SMG6: variants seen among roughly 807,000 people sequenced by gnomAD.
SMG6 encodes the protein telomerase-binding protein EST1A.
A neutral mutation model predicts 142.2 loss-of-function variants in SMG6; 66 were observed. That is an observed-to-expected ratio of 0.46 (90% CI 0.38 to 0.57). SMG6 has a LOEUF of 0.57. Ranked by LOEUF, SMG6 falls within the 20% of genes least tolerant of loss-of-function variation. The pLI is 0.00. For synonymous variants in SMG6, 779 were observed against 702.4 expected (o/e 1.11, Z -1.72); for missense variants, 1,793 against 1,832.0 (o/e 0.98, Z 0.39).
intron 10 of SMG6, among the ~76,000 whole-genome samples, chr17:2,203,618 T>C (rs1291846564): frequency 6.6e-6 from 1 of 152,126 alleles, no homozygotes; most frequent in Non-Finnish European, 1.5e-5. Context: ...TTATTTAAGG[T>C]TGTGGAGGAG....
intron 13 of SMG6, among the ~76,000 whole-genome samples, chr17:2,143,957 G>A (rs2070573482): frequency 6.6e-6 from 1 of 151,490 alleles, no homozygotes; most frequent in Non-Finnish European, 1.5e-5. Context: ...GCAGGATCAT[G>A]GCTCACTGAA....
chr17:2,148,516 G>A (rs1331612728), intron 13 of SMG6, among the ~76,000 whole-genome samples: 1 of 152,190 alleles, frequency 6.6e-6, no homozygotes, highest in African/African-American at 2.4e-5. Context: ...ATCACAAAAG[G>A]ACAAATATTT....
intron 12 of SMG6, among the ~76,000 whole-genome samples, chr17:2,185,250 G>A (rs1460459691): frequency 6.6e-6 from 1 of 152,036 alleles, no homozygotes; most frequent in Admixed American, 6.6e-5. Context: ...AAGACCCCTA[G>A]ACAAGCGCCC....
chr17:2,260,249 T>C (rs1451566949), intron 8 of SMG6, among the ~76,000 whole-genome samples: 2 of 152,228 alleles, frequency 1.3e-5, no homozygotes, highest in African/African-American at 2.4e-5. Context: ...GAAACACGCA[T>C]TGCAGATCTT....
intron 12 of SMG6, among the ~76,000 whole-genome samples, chr17:2,184,327 C>T (rs1329591678): frequency 6.7e-6 from 1 of 149,810 alleles, no homozygotes; most frequent in Non-Finnish European, 1.5e-5. Flanking sequence ...CATGCCACTG[C>T]ACTTGAACCT....
chr17:2,264,295 T>C (rs2074376491), intron 8 of SMG6, among the ~76,000 whole-genome samples: 1 of 152,204 alleles, frequency 6.6e-6, no homozygotes, highest in Admixed American at 6.5e-5. Context: ...AAGGAGGACT[T>C]TTCTCAGTCA....
chr17:2,298,448 G>A (rs1025598730), intron 2 of SMG6, among the ~76,000 whole-genome samples: 20 of 152,130 alleles, frequency 1.3e-4, no homozygotes, highest in African/African-American at 3.4e-4. Context: ...GGCCGGGCGC[G>A]GTGGCTCATG....
intron 13 of SMG6, among the ~76,000 whole-genome samples, chr17:2,089,958 C>G (rs970098154): frequency 6.6e-6 from 1 of 151,894 alleles, no homozygotes; most frequent in Non-Finnish European, 1.5e-5. Context: ...CCAAGGTGGG[C>G]AGATCACCTG....
Position 2,236,571 on chromosome 17 carries a change from G to A in SMG6, c.2790C>T (p.Ser930=), listed in dbSNP as rs751405247. 1.2e-6 allele frequency: 2 copies of A among 1,613,576 alleles called. No homozygotes were observed. Among genetic ancestry groups the A allele is most frequent in the African/African-American group, 2.7e-5 (2 of 74,842 alleles). The change falls in exon 10 of 19, where the codon AGC becomes AGT. Residue 930 remains serine (S), a synonymous_variant. Transcript: ENST00000263073. ...TGCGGGTACTTCCAATGGGAGAGGG[G>A]CTGTGCTGCAGTAACACCTGGAACT... ...LKEFQVLLQH[S]PSPIGSTRML...
At chr17:2,267,830 C>G (rs913380725) in intron 8 of SMG6, among the ~76,000 whole-genome samples, 5 of 151,210 alleles carry the variant, frequency 3.3e-5, no homozygotes, top group Non-Finnish European at 5.9e-5. Context: ...TCACTGTAAG[C>G]TCCACCTCAC....
At chr17:2,182,267 A>T (rs545230521) in intron 12 of SMG6, among the ~76,000 whole-genome samples, 2 of 152,184 alleles carry the variant, frequency 1.3e-5, no homozygotes, top group Non-Finnish European at 2.9e-5. Flanking sequence ...TTTGGGGATC[A>T]CTGCTGAGAA....
At chr17:2,190,315 A>G (rs2072120868) in intron 10 of SMG6, among the ~76,000 whole-genome samples, 1 of 152,182 alleles carries the variant, frequency 6.6e-6, no homozygotes, top group Non-Finnish European at 1.5e-5. Flanking sequence ...CTGAGTAAAC[A>G]TTAGTGCCTC....
chr17:2,252,112 G>GA (rs1030763035), intron 8 of SMG6, among the ~76,000 whole-genome samples: 1 of 143,800 alleles, frequency 7.0e-6, no homozygotes, highest in African/African-American at 2.6e-5. Context: ...GAAAAAAAAG[G>GA]AAAAAAAAGA....
chr17:2,178,556 T>C (rs2151667725), intron 12 of SMG6, among the ~76,000 whole-genome samples: 1 of 152,308 alleles, frequency 6.6e-6, no homozygotes, highest in South Asian at 2.1e-4. Context: ...AACCTCTCCA[T>C]GTTCTAAGCA....
intron 8 of SMG6, among the ~76,000 whole-genome samples, chr17:2,261,673 T>C (rs1295846068): frequency 1.3e-5 from 2 of 152,178 alleles, no homozygotes; most frequent in Non-Finnish European, 2.9e-5. Context: ...GATGTGTTGA[T>C]GGTGTATGCT....
In SMG6 at chr17:2,071,288, G is replaced by A. The variant is rs1199957907; in HGVS notation, c.3682-2357C>T. Among the ~76,000 whole-genome samples the A allele has an allele frequency of 2.0e-5, 3 of 152,036 alleles. No individual in the cohort carries two copies. Among genetic ancestry groups the A allele is most frequent in the Admixed American group, 2.0e-4 (3 of 15,254 alleles). On this transcript the variant is annotated intron_variant, in intron 15 of 18. Coordinates refer to ENST00000263073, the MANE Select transcript of SMG6 (RefSeq NM_017575.5). This position sits in a 1 kb window ranked among gnomAD's most constrained non-coding sequence, Gnocchi z 5.6. ...TTTTTTTTTTTACCCTATGTGAACA[G>A]TCAGCTCCTAAGCCCTGGTACCATC...
At chr17:2,165,057 C>T (rs1253493391) in intron 13 of SMG6, among the ~76,000 whole-genome samples, 1 of 152,138 alleles carries the variant, frequency 6.6e-6, no homozygotes, top group Non-Finnish European at 1.5e-5. Flanking sequence ...TGTTACTTTG[C>T]CTACCACAAA....
intron 13 of SMG6, among the ~76,000 whole-genome samples, chr17:2,156,657 T>C (rs1277953162): frequency 1.3e-5 from 2 of 152,084 alleles, no homozygotes; most frequent in Non-Finnish European, 2.9e-5. Flanking sequence ...TGTTTTTTTT[T>C]GCTTGTTTGT....
At chr17:2,075,762 G>C (rs1000193099) in intron 15 of SMG6, among the ~76,000 whole-genome samples, 3 of 152,376 alleles carry the variant, frequency 2.0e-5, no homozygotes, top group African/African-American at 7.2e-5. Context: ...ACCCACAGGA[G>C]GAGCTGTCTC....
Sources: gnomAD v4.1 joint callset for allele counts (sites outside exome capture counted in the v4.1 genomes callset) on GRCh38, gnomAD v4.1.1 for gene constraint, Gnocchi (gnomAD v3.1) non-coding constraint, MANE v1.5 for transcripts, NCBI Gene and HGNC (gene_info 2026-07-23, HGNC 2026-07-21) for gene names.